Variants in PRLR observed in about 807,000 individuals in gnomAD.
PRLR encodes prolactin receptor, also known as hPRL receptor.
PRLR carries 13 observed loss-of-function variants against 40.2 expected under a neutral mutation model. That is an observed-to-expected ratio of 0.32 (90% confidence interval 0.21 to 0.51). PRLR has a LOEUF of 0.51. Ranked by LOEUF, PRLR falls within the 20% of genes least tolerant of loss-of-function variation. PRLR has a pLI of 0.97. For missense variants in PRLR, 656 were observed against 747.3 expected (o/e 0.88, Z 1.42); for synonymous variants, 269 against 278.7 (o/e 0.97, Z 0.35).
At chr5:35,101,658 T>C (rs1379533597) in intron 2 of PRLR, among the ~76,000 whole-genome samples, 2 of 151,502 alleles carry the variant, frequency 1.3e-5, no homozygotes, top group Non-Finnish European at 2.9e-5. Context: ...TGTCTAAATA[T>C]CTAAAGCACA....
rs142999212 is a variant in PRLR, at chr5:35,068,638, AT to A, written c.785+140del. The A allele has an allele frequency of 4.2e-5, 29 of 696,506 alleles. 1 individual carries two copies. Among genetic ancestry groups the A allele is most frequent in the African/African-American group, 1.1e-4 (6 of 55,358 alleles). The allele number at this position is 696,506 out of a possible 1,614,324, so 43.1% of individuals were successfully genotyped here. A position where few individuals can be genotyped will look rare whatever the true frequency, so the allele number is the denominator to read the frequency against. On this transcript the variant is annotated intron_variant, in intron 8 of 9. Coordinates refer to ENST00000618457, the MANE Select transcript of PRLR (RefSeq NM_000949.7). ...CTACTTTTTATAGCACTGATAAAAG[AT>A]TTTTTTTATGGGCAAACACACTACA...
chr5:35,115,734 G>C (rs1312683063), intron 2 of PRLR, among the ~76,000 whole-genome samples: 1 of 152,002 alleles, frequency 6.6e-6, no homozygotes, highest in African/African-American at 2.4e-5. Context: ...CCCTGGGTGG[G>C]TATGGGGCAC....
chr5:35,132,715 T>C (rs910290964), intron 1 of PRLR, among the ~76,000 whole-genome samples: 5 of 152,186 alleles, frequency 3.3e-5, no homozygotes, highest in African/African-American at 9.6e-5. Context: ...ACATGTCCTA[T>C]TGTTAAATAT....
intron 1 of PRLR, among the ~76,000 whole-genome samples, chr5:35,163,171 T>C (rs748729964): frequency 1.3e-5 from 2 of 152,222 alleles, no homozygotes. Flanking sequence ...GCAGGGACTC[T>C]GGCTTTGGAG....
At chr5:35,190,629 G>T (rs887103517) in intron 1 of PRLR, among the ~76,000 whole-genome samples, 4 of 149,940 alleles carry the variant, frequency 2.7e-5, no homozygotes, top group African/African-American at 9.8e-5. Flanking sequence ...AAAAAAAAAA[G>T]TTCTGCTTTG....
chr5:35,139,476 A>G (rs555254279), intron 1 of PRLR, among the ~76,000 whole-genome samples: 99 of 152,188 alleles, frequency 6.5e-4, no homozygotes, highest in Non-Finnish European at 1.2e-3. Context: ...ACAATTATAA[A>G]CAAAGAAAAA....
chr5:35,159,006 A>T (rs1279131371), intron 1 of PRLR, among the ~76,000 whole-genome samples: 1 of 152,206 alleles, frequency 6.6e-6, no homozygotes, highest in African/African-American at 2.4e-5. Context: ...TGTTTGAGTT[A>T]GGTTTCTGAC....
intron 1 of PRLR, among the ~76,000 whole-genome samples, chr5:35,125,577 A>G (rs891181434): frequency 6.6e-6 from 1 of 152,208 alleles, no homozygotes; most frequent in Non-Finnish European, 1.5e-5. Context: ...TGATCTCTTA[A>G]TCCCCATAAG....
At chr5:35,205,078 CAT>C (rs1775979954) in intron 1 of PRLR, among the ~76,000 whole-genome samples, 1 of 151,996 alleles carries the variant, frequency 6.6e-6, no homozygotes, top group Non-Finnish European at 1.5e-5. Context: ...AATCGGGAAA[CAT>C]GTTATTTATT....
In PRLR at chr5:35,169,484, A is replaced by G. The variant is rs529835212; in HGVS notation, c.-105-51362T>C. On this transcript the variant is annotated intron_variant, in intron 1 of 9. Coordinates refer to ENST00000618457, the MANE Select transcript of PRLR (RefSeq NM_000949.7). ...GCAGGCATTCTAATGATGTAAATTA[A>G]TATTGAAAACAGGACTTCATGATGG... 8.5e-5 allele frequency among the ~76,000 whole-genome samples: 13 copies of G among 152,346 alleles called. No individual in the cohort carries two copies. In the South Asian group the frequency reaches 2.7e-3, roughly 32 times the overall value.
intron 1 of PRLR, among the ~76,000 whole-genome samples, chr5:35,166,376 T>C (rs1774827391): frequency 6.6e-6 from 1 of 152,196 alleles, no homozygotes; most frequent in Admixed American, 6.5e-5. Context: ...CAACTGGATT[T>C]TGTAATAACA....
intron 1 of PRLR, among the ~76,000 whole-genome samples, chr5:35,126,238 T>C (rs919972722): frequency 7.2e-5 from 11 of 152,186 alleles, no homozygotes; most frequent in Non-Finnish European, 1.0e-4. Context: ...AATGAGTCCA[T>C]GTACTGTTTT....
rs752024984 is a variant in PRLR at position 35,084,633 on chromosome 5, T to C, written c.210A>G (p.Thr70=). ...YSLTYHREGE[T]LMHECPDYIT... ...TGTAGTCTGGACATTCATGCATGAGTGTCTCTCTGCAATAAGTAATGTATT... is the reference window on the plus strand; with the variant it reads ...TGTAGTCTGGACATTCATGCATGAGCGTCTCTCTGCAATAAGTAATGTATT... The change falls in exon 5 of 10, where the codon ACA becomes ACG. Residue 70 remains threonine (T), a synonymous_variant. Coordinates refer to ENST00000618457, the MANE Select transcript of PRLR (RefSeq NM_000949.7). 3.1e-6 allele frequency: 5 copies of C among 1,609,250 alleles called. No individual in the cohort carries two copies. Among genetic ancestry groups the C allele is most frequent in the Non-Finnish European group, 4.2e-6 (5 of 1,178,294 alleles).
At chr5:35,186,875 G>T (rs1216280860) in intron 1 of PRLR, among the ~76,000 whole-genome samples, 1 of 152,158 alleles carries the variant, frequency 6.6e-6, no homozygotes, top group Non-Finnish European at 1.5e-5. Flanking sequence ...TGATAAACCT[G>T]CCTGCCCTCA....
At chr5:35,074,952 ACCT>A in intron 5 of PRLR, among the ~76,000 whole-genome samples, 1 of 152,136 alleles carries the variant, frequency 6.6e-6, no homozygotes, top group Admixed American at 6.5e-5. Flanking sequence ...TTCATTTATC[ACCT>A]CCTTAAATCA....
intron 1 of PRLR, among the ~76,000 whole-genome samples, chr5:35,220,305 A>C (rs10073331): frequency 0.91 from 137,635 of 151,974 alleles, 62,839 homozygotes; most frequent in African/African-American, 0.96. Flanking sequence ...CAATGGTCTC[A>C]TTTCTGTTTC....
chr5:35,135,151 A>G (rs1773815272), intron 1 of PRLR: 1 of 152,002 alleles, frequency 6.6e-6, no homozygotes, highest in African/African-American at 2.4e-5. Context: ...TTAGGAAACA[A>G]ATACTTCTTT....
intron 1 of PRLR, among the ~76,000 whole-genome samples, chr5:35,184,403 A>T (rs1478943197): frequency 6.6e-6 from 1 of 152,128 alleles, no homozygotes; most frequent in Non-Finnish European, 1.5e-5. Context: ...AGCCCCAGCT[A>T]CTCGGTAGGC....
chr5:35,161,150 T>C (rs778495140), intron 1 of PRLR, among the ~76,000 whole-genome samples: 11 of 152,206 alleles, frequency 7.2e-5, no homozygotes, highest in African/African-American at 2.7e-4. Flanking sequence ...ATTGATTATA[T>C]TGCTATCCCT....
Sources: gnomAD v4.1 joint callset for allele counts (sites outside exome capture counted in the v4.1 genomes callset) on GRCh38, gnomAD v4.1.1 for gene constraint, MANE v1.5 for transcripts, NCBI Gene and HGNC (gene_info 2026-07-23, HGNC 2026-07-21) for gene names.